TYR: variants seen among roughly 807,000 people sequenced by gnomAD.
TYR encodes the protein tyrosinase, also known as LB24-AB.
TYR carries 58 observed loss-of-function variants against 51.5 expected under a neutral mutation model. The ratio of observed to expected loss-of-function variants is 1.13; its 90% CI spans 0.91 to 1.40. The LOEUF (loss-of-function observed/expected upper bound fraction) is 1.40. TYR is among the 40% of genes most tolerant of loss of function. The pLI is 0.00. For missense variants in TYR, 732 were observed against 647.4 expected, an observed-to-expected ratio of 1.13 and a Z score of -1.42; for synonymous variants, 263 against 235.2, an observed-to-expected ratio of 1.12 and a Z score of -1.08.
chr11:89,220,239 C>A (rs1286598374), intron 2 of TYR, among the ~76,000 whole-genome samples: 3 of 152,124 alleles, frequency 2.0e-5, no homozygotes, highest in African/African-American at 4.8e-5. Context: ...CTGAAACTTA[C>A]AATTATGGTA....
chr11:89,287,951 A>G (rs2135326638), intron 4 of TYR, among the ~76,000 whole-genome samples: 1 of 152,100 alleles, frequency 6.6e-6, no homozygotes, highest in South Asian at 2.1e-4. Context: ...TTTATATATC[A>G]GATGAAGGAG....
intron 2 of TYR, among the ~76,000 whole-genome samples, chr11:89,192,490 T>C (rs1270223829): frequency 1.3e-5 from 2 of 152,082 alleles, no homozygotes; most frequent in African/African-American, 2.4e-5. Context: ...CCTTTCTCCT[T>C]GACTTGTTCT....
At position 89,241,955 on chromosome 11, in the gene TYR, G is replaced by A. The variant is rs367693015; in HGVS notation, c.1184+13985G>A. Among the ~76,000 whole-genome samples, 29 of 151,686 alleles carry A rather than the reference G, an allele frequency of 1.9e-4. No homozygotes were observed. In the East Asian group the frequency reaches 4.3e-3, roughly 22 times the overall value. On this transcript the variant is annotated intron_variant, in intron 3 of 4. Coordinates refer to ENST00000263321, the MANE Select transcript of TYR (RefSeq NM_000372.5). ...AAAATAATTCACTTTTCTTTAAATG[G>A]ATACTAAAAGATGATACCACGTTTT...
intron 3 of TYR, among the ~76,000 whole-genome samples, chr11:89,264,798 T>C (rs552783648): frequency 6.6e-6 from 1 of 151,712 alleles, no homozygotes; most frequent in Non-Finnish European, 1.5e-5. Flanking sequence ...ATGAGCAGTG[T>C]TCTTTCAAGC....
At chr11:89,272,766 T>A (rs1480892635) in intron 3 of TYR, among the ~76,000 whole-genome samples, 2 of 151,974 alleles carry the variant, frequency 1.3e-5, no homozygotes, top group African/African-American at 4.8e-5. Flanking sequence ...CTTAACAAGA[T>A]CTTCTGGTTA....
chr11:89,252,386 A>G (rs1944340390), intron 3 of TYR, among the ~76,000 whole-genome samples: 1 of 151,756 alleles, frequency 6.6e-6, no homozygotes, highest in Admixed American at 6.6e-5. Flanking sequence ...TCAATAACCT[A>G]GGGCATAAGA....
chr11:89,263,357 G>A (rs938353720), intron 3 of TYR, among the ~76,000 whole-genome samples: 3 of 151,544 alleles, frequency 2.0e-5, no homozygotes, highest in African/African-American at 7.3e-5. Context: ...TTCTCATTTT[G>A]ATAAATAACA....
At chr11:89,197,164 A>C (rs1405483292) in intron 2 of TYR, among the ~76,000 whole-genome samples, 2 of 152,152 alleles carry the variant, frequency 1.3e-5, no homozygotes, top group African/African-American at 4.8e-5. Context: ...CAGAGGTGTG[A>C]AAGTGTGAGA....
At chr11:89,208,439 G>A (rs1322602316) in intron 2 of TYR, among the ~76,000 whole-genome samples, 4 of 152,112 alleles carry the variant, frequency 2.6e-5, no homozygotes, top group African/African-American at 9.7e-5. Flanking sequence ...TAAACATCAA[G>A]AGAACCAATG....
intron 4 of TYR, among the ~76,000 whole-genome samples, chr11:89,289,798 T>C (rs972023793): frequency 2.6e-5 from 4 of 152,040 alleles, no homozygotes; most frequent in African/African-American, 7.2e-5. Context: ...GCAAAGAAAC[T>C]AGTTTGAGAA....
chr11:89,183,679 T>G (rs1301343223), intron 1 of TYR, among the ~76,000 whole-genome samples: 1 of 152,090 alleles, frequency 6.6e-6, no homozygotes, highest in Non-Finnish European at 1.5e-5. Flanking sequence ...CAATAAGATG[T>G]GTTTATATGG....
intron 3 of TYR, among the ~76,000 whole-genome samples, chr11:89,242,651 C>T (rs890802987): frequency 6.6e-6 from 1 of 152,138 alleles, no homozygotes; most frequent in African/African-American, 2.4e-5. Context: ...AACATTGTGT[C>T]AGGAGTGGTT....
At chr11:89,237,928 C>A in intron 3 of TYR, among the ~76,000 whole-genome samples, 1 of 152,144 alleles carries the variant, frequency 6.6e-6, no homozygotes, top group African/African-American at 2.4e-5. Flanking sequence ...CTCCACCTCC[C>A]AGGTTCAAGC....
chr11:89,217,428 C>A lies in TYR; in HGVS notation c.1037-10395C>A, dbSNP rs535416505. On this transcript the variant is annotated intron_variant, in intron 2 of 4. Coordinates refer to ENST00000263321, the MANE Select transcript of TYR (RefSeq NM_000372.5). ...ACTGTCCCCCACTTATCTGATGTATCTTCTCCATCTTCCTGGGAGACTGAG... is the reference window on the plus strand; with the variant it reads ...ACTGTCCCCCACTTATCTGATGTATATTCTCCATCTTCCTGGGAGACTGAG... Among the ~76,000 whole-genome samples the A allele has an allele frequency of 2.0e-5, 3 of 152,228 alleles. No homozygotes were observed. In the South Asian group the frequency reaches 6.2e-4, roughly 32 times the overall value.
chr11:89,178,448 C>T lies in TYR; in HGVS notation c.495C>T (p.Pro165=). The T allele has an allele frequency of 1.9e-6, 3 of 1,614,168 alleles. No individual in the cohort carries two copies. Among genetic ancestry groups the T allele is most frequent in the Non-Finnish European group, 2.5e-6 (3 of 1,180,034 alleles). ...TYGQMKNGST[P]MFNDINIYDL... is the part of the protein sequence containing the mutation. ...GCCAAATGAAAAATGGATCAACACC[C>T]ATGTTTAACGACATCAATATTTATG... The change falls in exon 1 of 5, where the codon CCC becomes CCT. Residue 165 remains proline, a synonymous_variant. Transcript: ENST00000263321.
At chr11:89,252,979 C>T (rs964591799) in intron 3 of TYR, among the ~76,000 whole-genome samples, 8 of 151,746 alleles carry the variant, frequency 5.3e-5, no homozygotes, top group African/African-American at 1.9e-4. Flanking sequence ...TAAATTGAAT[C>T]ACAATCTGAT....
intron 3 of TYR, among the ~76,000 whole-genome samples, chr11:89,265,214 A>G (rs562448323): frequency 6.6e-6 from 1 of 152,198 alleles, no homozygotes; most frequent in African/African-American, 2.4e-5. Flanking sequence ...TATGGGAGAT[A>G]AAAACAATGA....
intron 1 of TYR, among the ~76,000 whole-genome samples, chr11:89,185,468 A>G (rs1284652647): frequency 6.6e-6 from 1 of 152,194 alleles, no homozygotes; most frequent in African/African-American, 2.4e-5. Context: ...GCACATCAAC[A>G]GGGTGCTAGA....
chr11:89,200,978 T>C (rs998562487), intron 2 of TYR, among the ~76,000 whole-genome samples: 3 of 152,190 alleles, frequency 2.0e-5, no homozygotes, highest in Admixed American at 2.0e-4. Flanking sequence ...GCATCATGAA[T>C]GAGTATTTTA....
Sources: allele counts gnomAD v4.1 joint callset (sites outside exome capture counted in the v4.1 genomes callset), GRCh38; gene constraint gnomAD v4.1.1; transcripts MANE v1.5; gene names NCBI Gene and HGNC (gene_info 2026-07-23, HGNC 2026-07-21).